Variants in LRRTM4 observed in about 807,000 individuals in gnomAD.
LRRTM4 encodes leucine-rich repeat transmembrane neuronal protein 4.
LRRTM4 carries 25 observed loss-of-function variants against 47.6 expected under a neutral mutation model. That is an observed-to-expected ratio of 0.53 (90% confidence interval 0.38 to 0.73). The LOEUF (loss-of-function observed/expected upper bound fraction) is 0.73, where lower values mean the gene tolerates loss of function less well. Ranked by LOEUF, LRRTM4 falls within the 30% of genes least tolerant of loss-of-function variation. The pLI is 0.00. For synonymous variants in LRRTM4, 311 were observed against 269.5 expected (o/e 1.15, Z -1.51); for missense variants, 638 against 713.4 (o/e 0.89, Z 1.20).
intron 3 of LRRTM4, among the ~76,000 whole-genome samples, chr2:76,864,396 G>T (rs1036824990): frequency 6.6e-6 from 1 of 152,170 alleles, no homozygotes; most frequent in Non-Finnish European, 1.5e-5. Context: ...GGTGGCTCAT[G>T]CCTGTAATCC....
chr2:76,876,617 A>G (rs898215027), intron 3 of LRRTM4, among the ~76,000 whole-genome samples: 5 of 152,048 alleles, frequency 3.3e-5, no homozygotes, highest in African/African-American at 4.8e-5. Flanking sequence ...TATAGAAAGT[A>G]GAGCATAATT....
intron 3 of LRRTM4, among the ~76,000 whole-genome samples, chr2:77,291,624 A>G (rs965749889): frequency 6.6e-6 from 1 of 152,130 alleles, no homozygotes; most frequent in Admixed American, 6.6e-5. Context: ...ATGAGATAAA[A>G]TTGCTTGAGA....
intron 3 of LRRTM4, among the ~76,000 whole-genome samples, chr2:77,016,714 C>T (rs78801124): frequency 0.016 from 2,475 of 152,134 alleles, 79 homozygotes; most frequent in African/African-American, 0.056. Context: ...TAAATGGAGG[C>T]CTTGAAGTGT....
At chr2:77,208,906 T>A (rs1310830448) in intron 3 of LRRTM4, among the ~76,000 whole-genome samples, 1 of 152,114 alleles carries the variant, frequency 6.6e-6, no homozygotes, top group South Asian at 2.1e-4. Context: ...GTAAATAAAA[T>A]AGAATTGTAA....
At chr2:77,049,813 T>C (rs1448586391) in intron 3 of LRRTM4, among the ~76,000 whole-genome samples, 1 of 152,090 alleles carries the variant, frequency 6.6e-6, no homozygotes, top group Non-Finnish European at 1.5e-5. Context: ...CACTCGTCTA[T>C]TTTTATTTTT....
At chr2:76,909,153 T>C (rs981121785) in intron 3 of LRRTM4, among the ~76,000 whole-genome samples, 1 of 152,020 alleles carries the variant, frequency 6.6e-6, no homozygotes, top group Non-Finnish European at 1.5e-5. Context: ...GAGATATAGA[T>C]CAATGGAACA....
rs534761129 is a variant in LRRTM4 at position 77,401,419 on chromosome 2, C to T, written c.1551+116899G>A. ...ATCCCTGTTTTCTTTTTTCTCTGCT[C>T]TTCATTTTCCTTCATATCATAAATC... On this transcript the variant is annotated intron_variant, in intron 3 of 3. Coordinates refer to ENST00000409884, the MANE Select transcript of LRRTM4 (RefSeq NM_001134745.3). 2.6e-4 allele frequency among the ~76,000 whole-genome samples: 40 copies of T among 151,876 alleles called. No individual in the cohort carries two copies. In the South Asian group the frequency reaches 5.2e-3, roughly 20 times the overall value.
At chr2:76,861,040 T>A (rs777508253) in intron 3 of LRRTM4, among the ~76,000 whole-genome samples, 2 of 152,056 alleles carry the variant, frequency 1.3e-5, no homozygotes, top group African/African-American at 4.8e-5. Flanking sequence ...TTTTTCTGTT[T>A]TTTCCCTTTT....
At chr2:76,785,237 A>G (rs1478200969) in intron 3 of LRRTM4, among the ~76,000 whole-genome samples, 1 of 152,158 alleles carries the variant, frequency 6.6e-6, no homozygotes, top group Admixed American at 6.5e-5. Flanking sequence ...ACTGATTTGC[A>G]GTACTTGTAT....
At chr2:76,758,731 A>G (rs1455230672) in intron 3 of LRRTM4, among the ~76,000 whole-genome samples, 1 of 152,144 alleles carries the variant, frequency 6.6e-6, no homozygotes, top group Non-Finnish European at 1.5e-5. Flanking sequence ...ATGAAAGTGA[A>G]TTTGCCATAA....
chr2:77,503,792 G>A (rs950412121), intron 3 of LRRTM4, among the ~76,000 whole-genome samples: 5 of 151,574 alleles, frequency 3.3e-5, no homozygotes, highest in Admixed American at 6.6e-5. Flanking sequence ...AGAAGTCAAG[G>A]GAGGAAAACA....
At chr2:77,012,847 G>A (rs571582121) in intron 3 of LRRTM4, among the ~76,000 whole-genome samples, 34 of 152,146 alleles carry the variant, frequency 2.2e-4, no homozygotes, top group African/African-American at 2.4e-4. Flanking sequence ...AAGCCACCAC[G>A]GATATATAAT....
chr2:76,868,132 C>T (rs1672517082), intron 3 of LRRTM4, among the ~76,000 whole-genome samples: 1 of 152,178 alleles, frequency 6.6e-6, no homozygotes, highest in South Asian at 2.1e-4. Context: ...AATGTAAAGT[C>T]ATCTGTTGAT....
intron 3 of LRRTM4, among the ~76,000 whole-genome samples, chr2:77,432,142 A>G (rs990661495): frequency 1.3e-5 from 2 of 152,210 alleles, no homozygotes; most frequent in Non-Finnish European, 2.9e-5. Context: ...CCAACAGGGC[A>G]GACAACATTA....
intron 3 of LRRTM4, among the ~76,000 whole-genome samples, chr2:77,118,476 C>T (rs550244089): frequency 6.6e-6 from 1 of 151,828 alleles, no homozygotes; most frequent in Admixed American, 6.6e-5. Context: ...TTCAGTCATG[C>T]TTGCTTATTA....
chr2:77,030,456 A>C (rs891225009), intron 3 of LRRTM4, among the ~76,000 whole-genome samples: 1 of 152,244 alleles, frequency 6.6e-6, no homozygotes. Flanking sequence ...GTAAACATTT[A>C]TTGACAGTAA....
At chr2:77,373,092 T>C (rs868744202) in intron 3 of LRRTM4, among the ~76,000 whole-genome samples, 1 of 116,872 alleles carries the variant, frequency 8.6e-6, no homozygotes, top group Non-Finnish European at 1.9e-5. Flanking sequence ...AAAAAAAATA[T>C]ATATATATAT....
Position 77,258,758 on chromosome 2 carries a change from T to A in LRRTM4, c.1551+259560A>T, listed in dbSNP as rs529214739. Among the ~76,000 whole-genome samples the A allele has an allele frequency of 6.5e-4, 97 of 150,010 alleles. No individual in the cohort carries two copies. The East Asian group carries it at 9.0e-3, about 14-fold the overall frequency. The stretch of plus-strand genomic sequence containing the variant: ...TGCATATTCTCACCATTCTTATTTT[T>A]AAAAAAAAAATACAAGTTCCGCAAC... On this transcript the variant is annotated intron_variant, in intron 3 of 3. Coordinates refer to ENST00000409884, the MANE Select transcript of LRRTM4 (RefSeq NM_001134745.3).
At chr2:77,167,191 T>A (rs6547126) in intron 3 of LRRTM4, among the ~76,000 whole-genome samples, 105,559 of 152,116 alleles carry the variant, frequency 0.69, 37,302 homozygotes, top group African/African-American at 0.85. Flanking sequence ...GCTAACAGAC[T>A]CATGAAAAAA....
Sources: allele counts gnomAD v4.1 joint callset (sites outside exome capture counted in the v4.1 genomes callset), GRCh38; gene constraint gnomAD v4.1.1; transcripts MANE v1.5; gene names NCBI Gene and HGNC (gene_info 2026-07-23, HGNC 2026-07-21).